Variants in ABCC8 observed in about 807,000 individuals in gnomAD.
The protein encoded by ABCC8 is ATP-binding cassette sub-family C member 8.
In ABCC8, 137 loss-of-function variants were observed where a neutral mutation model predicts 188.0. The ratio of observed to expected loss-of-function variants is 0.73; its 90% CI spans 0.63 to 0.84. The LOEUF is 0.84. Ranked by LOEUF, ABCC8 falls within the 40% of genes least tolerant of loss-of-function variation. The probability of loss-of-function intolerance (pLI) is 0.00; values close to 1 mark genes in which losing one functional copy is unlikely to be tolerated. For missense variants in ABCC8, 1,750 were observed against 2,072.7 expected (o/e 0.84, Z 3.02); for synonymous variants, 797 against 846.5 (o/e 0.94, Z 1.01).
chr11:17,473,652 T>C (rs575872202), intron 2 of ABCC8, among the ~76,000 whole-genome samples: 85 of 152,306 alleles, frequency 5.6e-4, no homozygotes, highest in African/African-American at 2.0e-3. Context: ...CTTAGTGAGA[T>C]GGCTGCTCCC....
At chr11:17,420,217 C>G (rs1955273355) in intron 16 of ABCC8, among the ~76,000 whole-genome samples, 1 of 152,208 alleles carries the variant, frequency 6.6e-6, no homozygotes, top group Admixed American at 6.5e-5. Flanking sequence ...TGAAAGGTTA[C>G]CTTTCACCCA....
At position 17,415,514 on chromosome 11, in the gene ABCC8, G is replaced by A. The variant is rs1389096472; in HGVS notation, c.2256-175C>T. ...TGGAGAGTGGGGTGTGCCCATCTTG[G>A]GGAAGCCTCTGCTGCCTGACCACGT... On this transcript the variant is annotated intron_variant, in intron 17 of 38. Coordinates refer to ENST00000389817, the MANE Select transcript of ABCC8 (RefSeq NM_000352.6). 3 of 934,592 alleles carry A rather than the reference G, an allele frequency of 3.2e-6. No individual in the cohort carries two copies. The African/African-American group carries it at 5.4e-5, about 17-fold the overall frequency. The allele number at this position is 934,592 out of a possible 1,614,324, so 57.9% of individuals were successfully genotyped here. A position where few individuals can be genotyped will look rare whatever the true frequency, so the allele number is the denominator to read the frequency against.
intron 8 of ABCC8, among the ~76,000 whole-genome samples, chr11:17,445,656 T>C (rs11024290): frequency 0.45 from 68,082 of 152,172 alleles, 16,223 homozygotes; most frequent in African/African-American, 0.62. Context: ...GGGATTGTAT[T>C]AACTCCCAGG....
At chr11:17,396,489 G>A in intron 33 of ABCC8, 1 of 296,944 alleles carries the variant, frequency 3.4e-6, no homozygotes, top group Non-Finnish European at 6.5e-6. Flanking sequence ...AAGAGACAGA[G>A]TGGGAAACGA....
intron 17 of ABCC8, among the ~76,000 whole-genome samples, chr11:17,416,348 A>C (rs549891366): frequency 1.3e-5 from 2 of 152,148 alleles, no homozygotes; most frequent in African/African-American, 4.8e-5. Context: ...AACAAGACTG[A>C]ATTTTCTGCC....
chr11:17,397,493 C>G (rs1431418551), intron 31 of ABCC8, 180 bp from the exon 32 acceptor site: 1 of 1,426,412 alleles, frequency 7.0e-7, no homozygotes, highest in Non-Finnish European at 9.5e-7. Flanking sequence ...ATGTGGCTCC[C>G]CAACCTCCAC....
Position 17,406,769 on chromosome 11 carries a change from G to T in ABCC8, c.3182C>A (p.Thr1061Asn). Reference protein sequence around the residue: ...SLSQECTLDQTVYAMVFTVLC... With the variant: ...SLSQECTLDQNVYAMVFTVLC... ...CACCGTGAACACCATGGCATAGACA[G>T]TCTGGTCGAGGGTGCACTCCTTCAC... is the stretch of plus-strand genomic sequence containing the variant. The change falls in exon 26 of 39, where the codon ACT (threonine) becomes AAT (asparagine). Residue 1061 changes from threonine (T) to asparagine (N), a missense_variant. By Grantham distance (65) the Thr-to-Asn change is moderately conservative. Transcript: ENST00000389817. 6.2e-7 allele frequency: 1 copy of T among 1,614,242 alleles called. No homozygotes were observed. Among genetic ancestry groups the T allele is most frequent in the South Asian group, 1.1e-5 (1 of 91,090 alleles).
intron 8 of ABCC8, among the ~76,000 whole-genome samples, chr11:17,445,518 G>A (rs1056223513): frequency 4.6e-5 from 7 of 152,202 alleles, no homozygotes; most frequent in Non-Finnish European, 8.8e-5. Context: ...TGAAACAAGA[G>A]CCCTCAGGGC....
At chr11:17,439,843 CA>C (rs1956244853) in intron 10 of ABCC8, among the ~76,000 whole-genome samples, 1 of 152,136 alleles carries the variant, frequency 6.6e-6, no homozygotes. Flanking sequence ...AGAGTCTTCT[CA>C]GCTCTTCACA....
chr11:17,397,144 A>G (rs1200431806), intron 32 of ABCC8, 49 bp downstream of exon 32: 5 of 1,613,092 alleles, frequency 3.1e-6, no homozygotes, highest in Non-Finnish European at 3.4e-6. Flanking sequence ...CCCAACCCAG[A>G]CACACTCCTC....
At chr11:17,469,144 T>C (rs1425870401) in intron 3 of ABCC8, among the ~76,000 whole-genome samples, 1 of 145,222 alleles carries the variant, frequency 6.9e-6, no homozygotes, top group Non-Finnish European at 1.5e-5. Context: ...CAGGCTGGAC[T>C]GCAGTGGCGC....
chr11:17,408,092 T>G, intron 23 of ABCC8: 1 of 311,408 alleles, frequency 3.2e-6, no homozygotes. Flanking sequence ...AATCCTTAAT[T>G]CCCTCTTGTT....
chr11:17,396,678 C>A (rs916129174), intron 33 of ABCC8: 2 of 563,420 alleles, frequency 3.5e-6, no homozygotes, highest in African/African-American at 1.9e-5. Context: ...TCCAGAGTGT[C>A]GGTCTCCTTG....
intron 13 of ABCC8, 49 bp from the exon 14 acceptor site, chr11:17,428,454 G>T (rs1320753422): frequency 1.9e-6 from 3 of 1,605,232 alleles, no homozygotes; most frequent in Admixed American, 1.7e-5. Flanking sequence ...AGCTGTGTAG[G>T]GAAGGGAGCC....
chr11:17,449,428 T>A (rs55976946), intron 7 of ABCC8, among the ~76,000 whole-genome samples: 2,693 of 152,296 alleles, frequency 0.018, 95 homozygotes, highest in African/African-American at 0.063. Context: ...AAACAAGGGT[T>A]CGACTTTGGA....
intron 2 of ABCC8, among the ~76,000 whole-genome samples, chr11:17,473,538 C>T (rs1848593082): frequency 6.6e-6 from 1 of 152,080 alleles, no homozygotes; most frequent in Non-Finnish European, 1.5e-5. Context: ...AATCTGATTC[C>T]AGCTCAGGGG....
chr11:17,476,420 C>T (rs1361094472), intron 1 of ABCC8, among the ~76,000 whole-genome samples: 1 of 152,194 alleles, frequency 6.6e-6, no homozygotes, highest in African/African-American at 2.4e-5. Flanking sequence ...CTGTGTTTGG[C>T]GCGGGATCGG....
At chr11:17,417,076 TC>T in intron 16 of ABCC8, 114 bp from the exon 17 acceptor site, 1 of 1,565,882 alleles carries the variant, frequency 6.4e-7, no homozygotes, top group South Asian at 1.2e-5. Flanking sequence ...TCCCACCCAT[TC>T]CCAGGGTTTC....
At chr11:17,453,406 G>T (rs551333402) in intron 6 of ABCC8, 123 bp from the exon 7 acceptor site, 6 of 1,354,940 alleles carry the variant, frequency 4.4e-6, no homozygotes, top group African/African-American at 2.9e-5. Context: ...GCTTGCAAAG[G>T]CTTGTGCAAT....
Sources: gnomAD v4.1 joint callset for allele counts (sites outside exome capture counted in the v4.1 genomes callset) on GRCh38, gnomAD v4.1.1 for gene constraint, MANE v1.5 for transcripts, NCBI Gene and HGNC (gene_info 2026-07-23, HGNC 2026-07-21) for gene names.